The following MGST1 variants were observed in gnomAD, a reference collection of about 807,000 sequenced individuals.
MGST1 encodes the protein glutathione S-transferase 12.
In MGST1, 5 loss-of-function variants were observed where a neutral mutation model predicts 8.9. The observed-to-expected ratio is 0.56, with a 90% CI of 0.29 to 1.19. MGST1 has a LOEUF of 1.19. Among genes scored for constraint, MGST1 ranks in the 50% most tolerant of loss-of-function variants. The probability of loss-of-function intolerance (pLI) is 0.08; values close to 1 mark genes in which losing one functional copy is unlikely to be tolerated. For synonymous variants in MGST1, 54 were observed against 67.8 expected (o/e 0.80, Z 1.00); for missense variants, 182 against 187.4 (o/e 0.97, Z 0.17).
chr12:16,354,984 A>G (rs546847073), intron 2 of MGST1, among the ~76,000 whole-genome samples: 2 of 151,846 alleles, frequency 1.3e-5, no homozygotes, highest in South Asian at 2.1e-4. Context: ...TCTGAAGCAC[A>G]TATTATGTAT....
At chr12:16,380,120 G>GT (rs949480100), downstream of MGST1, among the ~76,000 whole-genome samples, 1 of 152,096 alleles carries the variant, frequency 6.6e-6, no homozygotes, top group Non-Finnish European at 1.5e-5. Flanking sequence ...TTTTTGAAGG[G>GT]TTTTTTGTGT....
intron 4 of MGST1, among the ~76,000 whole-genome samples, chr12:16,558,073 A>G (rs926608479): frequency 6.6e-6 from 1 of 152,060 alleles, no homozygotes; most frequent in Non-Finnish European, 1.5e-5. Flanking sequence ...ATCTTAAAAG[A>G]ATTTTTAATG....
intron 4 of MGST1, among the ~76,000 whole-genome samples, chr12:16,553,815 G>A (rs980793902): frequency 1.1e-4 from 16 of 151,434 alleles, no homozygotes; most frequent in Non-Finnish European, 2.2e-4. Context: ...TGTAAGAAAT[G>A]CTAATTTCCA....
downstream of MGST1, among the ~76,000 whole-genome samples, chr12:16,382,141 CAA>C (rs1156586376): frequency 1.9e-4 from 29 of 152,304 alleles, no homozygotes; most frequent in East Asian, 1.2e-3. Context: ...CTCAACTCAT[CAA>C]AGTCATTCTC....
intron 1 of MGST1, among the ~76,000 whole-genome samples, chr12:16,432,409 G>A (rs149605470): frequency 6.6e-6 from 1 of 152,124 alleles, no homozygotes; most frequent in East Asian, 1.9e-4. Flanking sequence ...GGGAGAATGA[G>A]TGAGTACTTA....
At chr12:16,445,854 C>T (rs1333410288) in intron 4 of MGST1, among the ~76,000 whole-genome samples, 1 of 151,904 alleles carries the variant, frequency 6.6e-6, no homozygotes, top group Non-Finnish European at 1.5e-5. Flanking sequence ...CACTAATATC[C>T]TTCATATCCT....
intron 4 of MGST1, among the ~76,000 whole-genome samples, chr12:16,572,055 A>G (rs1942828843): frequency 1.3e-5 from 2 of 152,018 alleles, no homozygotes; most frequent in Admixed American, 1.3e-4. Flanking sequence ...CCTTTTTGGA[A>G]TAAGAAATTA....
intron 4 of MGST1, among the ~76,000 whole-genome samples, chr12:16,510,881 C>G (rs904181715): frequency 2.0e-5 from 3 of 152,102 alleles, no homozygotes; most frequent in Non-Finnish European, 4.4e-5. Context: ...TTAAAAAACT[C>G]TCATGATTAT....
chr12:16,371,339 G>C (rs1298578620), intron 3 of MGST1, among the ~76,000 whole-genome samples: 1 of 152,036 alleles, frequency 6.6e-6, no homozygotes, highest in Non-Finnish European at 1.5e-5. Flanking sequence ...ACTCATATGT[G>C]CCCAGCACTA....
At chr12:16,366,334 G>T (rs9332959), downstream of MGST1, among the ~76,000 whole-genome samples, 14,271 of 152,120 alleles carry the variant, frequency 0.094, 1,283 homozygotes, top group East Asian at 0.28. The surrounding 1 kb of genome is among the most constrained non-coding windows in gnomAD (Gnocchi z 4.0). Flanking sequence ...GATACAGGGG[G>T]ATTTATTAGT....
chr12:16,494,253 G>T (rs894851450), intron 4 of MGST1, among the ~76,000 whole-genome samples: 1 of 151,974 alleles, frequency 6.6e-6, no homozygotes, highest in South Asian at 2.1e-4. Context: ...GAAAGTACTG[G>T]GTTTCCTTTA....
At chr12:16,393,793 T>C (rs1003223621) in intron 1 of MGST1, among the ~76,000 whole-genome samples, 1 of 152,226 alleles carries the variant, frequency 6.6e-6, no homozygotes, top group African/African-American at 2.4e-5. Context: ...ACCAGGAATG[T>C]ATTTAAACTA....
rs1473983994 is a variant in MGST1 at position 16,537,558 on chromosome 12, T to G, written n.483-51970T>G. ...AGATTCTCCATGAGGGCCCTGCCTC[T>G]GCAGCACACTTTTGCCTGGACATTC... is the stretch of plus-strand genomic sequence containing the variant. On this transcript the variant is annotated intron_variant and non_coding_transcript_variant, in intron 4 of 4. Transcript: ENST00000538857. The surrounding 1 kb of genome is among the most constrained non-coding windows in gnomAD (Gnocchi z 4.6). Among the ~76,000 whole-genome samples, 7 of 152,244 alleles carry G rather than the reference T, an allele frequency of 4.6e-5. No homozygotes were observed. The highest frequency in any genetic ancestry group is 1.0e-4 in the Non-Finnish European group (7 of 68,038).
intron 4 of MGST1, among the ~76,000 whole-genome samples, chr12:16,506,273 CA>C (rs1941537376): frequency 6.6e-6 from 1 of 152,118 alleles, no homozygotes; most frequent in African/African-American, 2.4e-5. Context: ...CAGGAGAGAG[CA>C]ACACACACAG....
chr12:16,541,234 C>A (rs1344776435), intron 4 of MGST1, among the ~76,000 whole-genome samples: 1 of 151,906 alleles, frequency 6.6e-6, no homozygotes, highest in Non-Finnish European at 1.5e-5. Context: ...TAAATATTAT[C>A]TTTGTTTTTC....
At chr12:16,538,574 G>C (rs1426071554) in intron 4 of MGST1, among the ~76,000 whole-genome samples, 2 of 151,556 alleles carry the variant, frequency 1.3e-5, no homozygotes, top group Non-Finnish European at 2.9e-5. Flanking sequence ...GGCTGGGGAG[G>C]CTTCAGAATC....
intron 1 of MGST1, among the ~76,000 whole-genome samples, chr12:16,417,232 T>C (rs1392246860): frequency 1.3e-5 from 2 of 152,006 alleles, no homozygotes; most frequent in Non-Finnish European, 2.9e-5. Context: ...GGCAAACACA[T>C]CCTTTTTCAC....
chr12:16,486,222 G>C (rs143755348), intron 4 of MGST1, among the ~76,000 whole-genome samples: 1 of 152,242 alleles, frequency 6.6e-6, no homozygotes, highest in East Asian at 1.9e-4. Context: ...ATTTAACATA[G>C]AATATACTCT....
upstream of MGST1, among the ~76,000 whole-genome samples, chr12:16,347,406 G>A (rs1939250296): frequency 6.6e-6 from 1 of 152,138 alleles, no homozygotes; most frequent in African/African-American, 2.4e-5. This position sits in a 1 kb window ranked among gnomAD's most constrained non-coding sequence, Gnocchi z 4.0. Context: ...CTAGACAATG[G>A]CTACTGTCCC....
Sources: allele counts gnomAD v4.1 joint callset (sites outside exome capture counted in the v4.1 genomes callset), GRCh38; gene constraint gnomAD v4.1.1; non-coding constraint Gnocchi (gnomAD v3.1); transcripts MANE v1.5; gene names NCBI Gene and HGNC (gene_info 2026-07-23, HGNC 2026-07-21).